Variants in DCBLD2 observed in about 807,000 individuals in gnomAD.
DCBLD2 encodes discoidin, CUB and LCCL domain-containing protein 2.
In DCBLD2, 54 loss-of-function variants were observed where a neutral mutation model predicts 86.8. The ratio of observed to expected loss-of-function variants is 0.62; its 90% confidence interval spans 0.50 to 0.78. DCBLD2 has a LOEUF of 0.78. Among genes scored for constraint, DCBLD2 ranks in the 30% least tolerant of loss-of-function variants. DCBLD2 has a pLI of 0.00. For synonymous variants in DCBLD2, 354 were observed against 341.3 expected (o/e 1.04, Z -0.41); for missense variants, 908 against 954.2 (o/e 0.95, Z 0.64).
rs1169521354 is a variant in DCBLD2 at position 98,797,008 on chromosome 3, C to T, written c.*2364G>A. 2.7e-5 allele frequency: 4 copies of T among 146,942 alleles called. No individual in the cohort carries two copies. Among genetic ancestry groups the T allele is most frequent in the Admixed American group, 2.1e-4 (3 of 14,396 alleles). The allele number at this position is 146,942 out of a possible 1,614,324, so 9.1% of individuals were successfully genotyped here. ...GTTGTTACTTGATTGTCTCCAAAGC[C>T]GTATATGTATCAGACATATAAATGT... On this transcript the variant is annotated 3_prime_UTR_variant, in exon 16 of 16. Coordinates refer to ENST00000326840, the MANE Select transcript of DCBLD2 (RefSeq NM_080927.4).
chr3:98,865,300 A>G (rs901236068), intron 2 of DCBLD2, among the ~76,000 whole-genome samples: 6 of 152,106 alleles, frequency 3.9e-5, no homozygotes, highest in African/African-American at 1.4e-4. Context: ...AAAAAAAGAA[A>G]CCCTGACATT....
intron 2 of DCBLD2, among the ~76,000 whole-genome samples, chr3:98,868,107 A>G (rs1166152655): frequency 1.3e-5 from 2 of 152,208 alleles, no homozygotes; most frequent in Non-Finnish European, 2.9e-5. Context: ...CCGACCAGAA[A>G]TAACATTTGA....
intron 3 of DCBLD2, 71 bp downstream of exon 3, chr3:98,849,390 T>TA: frequency 6.3e-7 from 1 of 1,597,856 alleles, no homozygotes; most frequent in Non-Finnish European, 8.6e-7. Context: ...AACAGGTACT[T>TA]AAAAAAAGCA....
At chr3:98,839,028 G>GAGAGGC in intron 3 of DCBLD2, among the ~76,000 whole-genome samples, 1 of 143,712 alleles carries the variant, frequency 7.0e-6, no homozygotes, top group Non-Finnish European at 1.5e-5. Context: ...AGACCGTCGG[G>GAGAGGC]AGAGGGAGAG....
At chr3:98,829,813 G>A (rs555230910) in intron 3 of DCBLD2, among the ~76,000 whole-genome samples, 20 of 152,280 alleles carry the variant, frequency 1.3e-4, no homozygotes, top group African/African-American at 4.8e-4. Context: ...TTAGCACTCT[G>A]AGCAATCACC....
At chr3:98,805,652 G>C (rs889332837) in intron 13 of DCBLD2, among the ~76,000 whole-genome samples, 6 of 152,148 alleles carry the variant, frequency 3.9e-5, no homozygotes, top group Non-Finnish European at 7.3e-5. Flanking sequence ...ACACTCATCA[G>C]TGATTTCAAC....
intron 2 of DCBLD2, among the ~76,000 whole-genome samples, chr3:98,856,378 A>C (rs1942931880): frequency 6.6e-6 from 1 of 152,144 alleles, no homozygotes; most frequent in Non-Finnish European, 1.5e-5. Context: ...TCTCAGAAGA[A>C]AAAAAAGAAA....
intron 1 of DCBLD2, among the ~76,000 whole-genome samples, chr3:98,891,925 A>T (rs1576207468): frequency 7.5e-6 from 1 of 133,560 alleles, no homozygotes; most frequent in South Asian, 2.6e-4. Flanking sequence ...TTAATTATGC[A>T]TATTTATGTC....
intron 2 of DCBLD2, among the ~76,000 whole-genome samples, chr3:98,859,749 G>A (rs890067528): frequency 1.3e-5 from 2 of 152,132 alleles, no homozygotes; most frequent in Non-Finnish European, 2.9e-5. Context: ...AAGACCAAAG[G>A]TAGATAAAAC....
At chr3:98,803,872 G>C (rs1037789577) in intron 13 of DCBLD2, among the ~76,000 whole-genome samples, 12 of 152,202 alleles carry the variant, frequency 7.9e-5, no homozygotes, top group Non-Finnish European at 1.8e-4. Context: ...TGTTGAACCA[G>C]CCTGGCATCC....
chr3:98,816,112 C>T (rs984235844), intron 9 of DCBLD2: 1 of 150,554 alleles, frequency 6.6e-6, no homozygotes, highest in Non-Finnish European at 1.5e-5. Context: ...AAAAGAAAAC[C>T]TTAAAAGGAG....
intron 1 of DCBLD2, among the ~76,000 whole-genome samples, chr3:98,894,686 G>A (rs899359701): frequency 2.0e-5 from 3 of 152,000 alleles, no homozygotes; most frequent in African/African-American, 4.8e-5. Context: ...CTCTGTTCCC[G>A]GCTCCTGAAC....
rs555405360 is a variant in DCBLD2, at chr3:98,859,828, C to G, written c.434-10230G>C. The stretch of plus-strand genomic sequence containing the variant: ...AAAAATCAGAGCACCTCTCCCCCCA[C>G]AAAGGAACGCAGCTCCTCGCCAGCA... On this transcript the variant is annotated intron_variant, in intron 2 of 15. Coordinates refer to ENST00000326840, the MANE Select transcript of DCBLD2 (RefSeq NM_080927.4). 2.0e-4 allele frequency among the ~76,000 whole-genome samples: 31 copies of G among 152,352 alleles called. 1 individual carries two copies. In the Middle Eastern group the frequency reaches 0.014, roughly 67 times the overall value.
intron 2 of DCBLD2, among the ~76,000 whole-genome samples, chr3:98,850,155 C>T (rs1197985186): frequency 6.6e-6 from 1 of 152,180 alleles, no homozygotes; most frequent in Non-Finnish European, 1.5e-5. Flanking sequence ...ACAGCTTTTT[C>T]CTTGAATGTC....
chr3:98,861,176 T>A (rs1247418632), intron 2 of DCBLD2, among the ~76,000 whole-genome samples: 1 of 152,196 alleles, frequency 6.6e-6, no homozygotes, highest in Admixed American at 6.5e-5. Flanking sequence ...AAGAGCTAAC[T>A]ATCCTAAATA....
At chr3:98,814,458 T>A (rs1233097585) in intron 9 of DCBLD2, 1 of 152,184 alleles carries the variant, frequency 6.6e-6, no homozygotes, top group Non-Finnish European at 1.5e-5. Context: ...CTGAGAATCC[T>A]CATGTACAGA....
intron 2 of DCBLD2, among the ~76,000 whole-genome samples, chr3:98,877,161 A>G (rs73138055): frequency 0.17 from 25,174 of 152,144 alleles, 2,171 homozygotes; most frequent in African/African-American, 0.22. Context: ...TATTCAACAA[A>G]AGAGAAAGAA....
chr3:98,822,915 C>T (rs1014385177), intron 4 of DCBLD2, among the ~76,000 whole-genome samples, 174 bp from the exon 5 acceptor site: 30 of 152,336 alleles, frequency 2.0e-4, no homozygotes, highest in Non-Finnish European at 4.3e-4. Context: ...TCTTGTCGCC[C>T]AGGCTGGAGT....
chr3:98,808,699 T>C (rs1438050884), intron 12 of DCBLD2, among the ~76,000 whole-genome samples: 4 of 152,152 alleles, frequency 2.6e-5, no homozygotes, highest in African/African-American at 7.2e-5. Context: ...GTGGCAAATA[T>C]TTAAAACAAC....
Sources: allele counts gnomAD v4.1 joint callset (sites outside exome capture counted in the v4.1 genomes callset), GRCh38; gene constraint gnomAD v4.1.1; transcripts MANE v1.5; gene names NCBI Gene and HGNC (gene_info 2026-07-23, HGNC 2026-07-21).